CDK6: variants seen among roughly 807,000 people sequenced by gnomAD.
CDK6 encodes the protein cyclin dependent kinase 6, also known as cyclin-dependent kinase 6.
CDK6 carries 6 observed loss-of-function variants against 37.1 expected under a neutral mutation model. That is an observed-to-expected ratio of 0.16 (90% CI 0.09 to 0.32). The LOEUF (loss-of-function observed/expected upper bound fraction) is 0.32, where lower values mean the gene tolerates loss of function less well. Among genes scored for constraint, CDK6 ranks in the 10% least tolerant of loss-of-function variants. The pLI, the probability that CDK6 is intolerant of heterozygous loss-of-function variation, is 1.00. For synonymous variants in CDK6, 160 were observed against 161.3 expected (o/e 0.99, Z 0.06); for missense variants, 224 against 418.9 (o/e 0.53, Z 4.06).
chr7:92,698,783 C>G (rs1402389255), intron 4 of CDK6, among the ~76,000 whole-genome samples: 1 of 152,166 alleles, frequency 6.6e-6, no homozygotes, highest in Non-Finnish European at 1.5e-5. Context: ...ATGAAAGGAG[C>G]AGATTTGTGG....
chr7:92,774,924 A>AG, intron 2 of CDK6, 93 bp from the exon 3 acceptor site: 1 of 1,169,570 alleles, frequency 8.6e-7, no homozygotes, highest in South Asian at 1.5e-5. Flanking sequence ...GTCTCATAAT[A>AG]GAAAAAAAAG....
intron 5 of CDK6, among the ~76,000 whole-genome samples, chr7:92,663,562 G>A (rs1562928578): frequency 6.6e-6 from 1 of 151,892 alleles, no homozygotes; most frequent in African/African-American, 2.4e-5. Flanking sequence ...TTAGCTGGGC[G>A]TGGCGGCATG....
chr7:92,741,927 T>TA (rs1798934591), intron 3 of CDK6, among the ~76,000 whole-genome samples: 2 of 152,172 alleles, frequency 1.3e-5, no homozygotes, highest in South Asian at 4.1e-4. Flanking sequence ...TTTTCTTAAC[T>TA]GCCACTTCCT....
At chr7:92,629,241 G>C (rs1795999336) in intron 5 of CDK6, among the ~76,000 whole-genome samples, 1 of 152,114 alleles carries the variant, frequency 6.6e-6, no homozygotes, top group Admixed American at 6.6e-5. Context: ...ACACAAGTTA[G>C]AGAGTGTGCT....
intron 5 of CDK6, among the ~76,000 whole-genome samples, chr7:92,640,867 T>G (rs1208808277): frequency 6.6e-6 from 1 of 152,222 alleles, no homozygotes; most frequent in Non-Finnish European, 1.5e-5. Context: ...AAAACTTTAC[T>G]TACACCAATG....
chr7:92,771,896 TCTGG>T (rs1251679424), intron 3 of CDK6, among the ~76,000 whole-genome samples: 4 of 152,262 alleles, frequency 2.6e-5, no homozygotes, highest in Non-Finnish European at 5.9e-5. Context: ...ATTTCTGTTC[TCTGG>T]CTGTGTGCTT....
At chr7:92,793,487 C>T (rs973020396) in intron 2 of CDK6, among the ~76,000 whole-genome samples, 2 of 152,132 alleles carry the variant, frequency 1.3e-5, no homozygotes, top group East Asian at 3.9e-4. Flanking sequence ...TGTGCCAAGA[C>T]CATTCACTCA....
At chr7:92,631,602 T>G (rs1459348050) in intron 5 of CDK6, among the ~76,000 whole-genome samples, 1 of 152,198 alleles carries the variant, frequency 6.6e-6, no homozygotes, top group African/African-American at 2.4e-5. Context: ...TTGCCTCTTT[T>G]GCAGGGAAAG....
At chr7:92,698,064 TA>T (rs942025954) in intron 4 of CDK6, among the ~76,000 whole-genome samples, 50 of 148,904 alleles carry the variant, frequency 3.4e-4, no homozygotes, top group South Asian at 8.5e-4. Context: ...AATCTTGTCT[TA>T]AAAAAAAAAC....
rs565390012 is a variant in CDK6 at position 92,834,472 on chromosome 7, T to C, written c.-367-782A>G. 5.4e-5 allele frequency among the ~76,000 whole-genome samples: 7 copies of C among 129,654 alleles called. No homozygotes were observed. Among genetic ancestry groups the C allele is most frequent in the Admixed American group, 3.1e-4 (4 of 12,982 alleles). 85.1% of individuals were successfully genotyped at this position (129,654 alleles called of 152,430 possible). A position where few individuals can be genotyped will look rare whatever the true frequency, so the allele number is the denominator to read the frequency against. Reference sequence around the variant, plus strand: ...TCTGGTCGGGGAGGGTTGGGGCTTATCGGGGGTGGGCGAGCGAGCGGTCCT... The same window carrying C: ...TCTGGTCGGGGAGGGTTGGGGCTTACCGGGGGTGGGCGAGCGAGCGGTCCT... On this transcript the variant is annotated intron_variant, in intron 1 of 7. Transcript: ENST00000424848. This position sits in a 1 kb window ranked among gnomAD's most constrained non-coding sequence, Gnocchi z 4.6.
intron 3 of CDK6, among the ~76,000 whole-genome samples, chr7:92,766,075 T>C (rs1177572043): frequency 6.6e-6 from 1 of 152,018 alleles, no homozygotes; most frequent in Non-Finnish European, 1.5e-5. Context: ...GAGCACTAGA[T>C]CATGTAGGAC....
In CDK6 at chr7:92,650,086, C is replaced by T. The variant is rs539240804; in HGVS notation, c.647+21340G>A. On this transcript the variant is annotated intron_variant, in intron 5 of 7. Transcript: ENST00000424848. ...AATTTGTTACTATATGCAATACTGA[C>T]TTTAAGTAAACAAACAAGAAGCTAC... is the stretch of plus-strand genomic sequence containing the variant. Among the ~76,000 whole-genome samples, 20 of 152,330 alleles carry T rather than the reference C, an allele frequency of 1.3e-4. No homozygotes were observed. In the South Asian group the frequency reaches 1.9e-3, roughly 14 times the overall value.
chr7:92,764,104 T>C (rs776065956), intron 3 of CDK6, among the ~76,000 whole-genome samples: 29 of 151,734 alleles, frequency 1.9e-4, no homozygotes, highest in Non-Finnish European at 3.7e-4. Flanking sequence ...CTAATTAATC[T>C]AACCATTACA....
At chr7:92,792,670 C>T (rs1242338786) in intron 2 of CDK6, among the ~76,000 whole-genome samples, 1 of 151,446 alleles carries the variant, frequency 6.6e-6, no homozygotes, top group Non-Finnish European at 1.5e-5. Context: ...TTGGTTTAGA[C>T]AAGGTAGATG....
In CDK6 at chr7:92,613,954, A is replaced by C. The variant is rs1395122549; in HGVS notation, c.*1186T>G. On this transcript the variant is annotated 3_prime_UTR_variant, in exon 8 of 8. Transcript: ENST00000424848. ...AGCAAGCAAACAGGTGGTGCATGGG[A>C]ACAGCTTAAGCAATCTGTTATTAGT... 1 of 233,132 alleles carries C rather than the reference A, an allele frequency of 4.3e-6. No homozygotes were observed. Among genetic ancestry groups the C allele is most frequent in the Non-Finnish European group, 8.5e-6 (1 of 118,026 alleles). 14.4% of individuals were successfully genotyped at this position (233,132 alleles called of 1,614,324 possible). A position where few individuals can be genotyped will look rare whatever the true frequency, so the allele number is the denominator to read the frequency against.
At chr7:92,751,201 G>C (rs1028720996) in intron 3 of CDK6, among the ~76,000 whole-genome samples, 1 of 151,962 alleles carries the variant, frequency 6.6e-6, no homozygotes, top group Non-Finnish European at 1.5e-5. Context: ...ATCTTCCTTT[G>C]TTCTCAAATA....
At chr7:92,727,294 T>C (rs1452406648) in intron 3 of CDK6, among the ~76,000 whole-genome samples, 1 of 152,204 alleles carries the variant, frequency 6.6e-6, no homozygotes, top group East Asian at 1.9e-4. Context: ...GATACACTTA[T>C]CATTGGCCGG....
At chr7:92,702,966 T>C (rs1392404317) in intron 4 of CDK6, among the ~76,000 whole-genome samples, 3 of 152,144 alleles carry the variant, frequency 2.0e-5, no homozygotes, top group Non-Finnish European at 4.4e-5. Context: ...AGTAGCAACA[T>C]CCCTCTCCCC....
At chr7:92,715,759 T>C (rs1798217710) in intron 4 of CDK6, among the ~76,000 whole-genome samples, 1 of 152,122 alleles carries the variant, frequency 6.6e-6, no homozygotes, top group Non-Finnish European at 1.5e-5. Flanking sequence ...CCTACACAGA[T>C]AACAGGATCA....
Sources: gnomAD v4.1 joint callset for allele counts (sites outside exome capture counted in the v4.1 genomes callset) on GRCh38, gnomAD v4.1.1 for gene constraint, Gnocchi (gnomAD v3.1) non-coding constraint, MANE v1.5 for transcripts, NCBI Gene and HGNC (gene_info 2026-07-23, HGNC 2026-07-21) for gene names.